NBAS: variants seen among roughly 807,000 people sequenced by gnomAD.
NBAS encodes NBAS subunit of NRZ tethering complex.
A neutral mutation model predicts 302.5 loss-of-function variants in NBAS; 219 were observed. That is an observed-to-expected ratio of 0.72 (90% CI 0.65 to 0.81). The LOEUF (loss-of-function observed/expected upper bound fraction) is 0.81, where lower values mean the gene tolerates loss of function less well. Ranked by LOEUF, NBAS falls within the 30% of genes least tolerant of loss-of-function variation. The probability of loss-of-function intolerance (pLI) is 0.00; values close to 1 mark genes in which losing one functional copy is unlikely to be tolerated. For missense variants in NBAS, 2,932 were observed against 2,841.6 expected, an observed-to-expected ratio of 1.03 and a Z score of -0.72; for synonymous variants, 1,118 against 1,021.6, an observed-to-expected ratio of 1.09 and a Z score of -1.80.
the NBAS span, among the ~76,000 whole-genome samples, chr2:14,965,966 T>A: frequency 4.0e-3 from 602 of 152,228 alleles, 4 homozygotes; most frequent in Non-Finnish European, 6.3e-3. Flanking sequence ...TGGATTAGGG[T>A]AGGCCTGGTG....
At chr2:14,927,460 C>A in the NBAS span, among the ~76,000 whole-genome samples, 1 of 152,130 alleles carries the variant, frequency 6.6e-6, no homozygotes, top group South Asian at 2.1e-4. Flanking sequence ...TTGTCCATCC[C>A]CTGATGGACA....
the NBAS span, among the ~76,000 whole-genome samples, chr2:14,838,423 A>C: frequency 6.6e-6 from 1 of 151,564 alleles, no homozygotes; most frequent in Non-Finnish European, 1.5e-5. Flanking sequence ...TTTTGTTGCA[A>C]CACTTTTTAT....
intron 12 of NBAS, among the ~76,000 whole-genome samples, chr2:15,488,198 A>G (rs1680713941): frequency 6.6e-6 from 1 of 152,226 alleles, no homozygotes; most frequent in African/African-American, 2.4e-5. Context: ...AATCCCTAAA[A>G]TGGTAAAATG....
At chr2:14,788,747 G>A in the NBAS span, among the ~76,000 whole-genome samples, 51 of 152,310 alleles carry the variant, frequency 3.3e-4, no homozygotes, top group East Asian at 8.5e-3. Context: ...CTACTGGGGG[G>A]TGCCTCCCAG....
chr2:15,350,078 T>C (rs1296854501), intron 35 of NBAS, among the ~76,000 whole-genome samples: 1 of 152,056 alleles, frequency 6.6e-6, no homozygotes, highest in Non-Finnish European at 1.5e-5. Context: ...GCATATTAGA[T>C]CCATGTTCAC....
chr2:15,191,492 T>TTG (rs1183469906), intron 48 of NBAS, among the ~76,000 whole-genome samples: 1 of 152,216 alleles, frequency 6.6e-6, no homozygotes, highest in East Asian at 1.9e-4. Flanking sequence ...CGTTCTTCTA[T>TTG]GGAATAATAG....
the NBAS span, among the ~76,000 whole-genome samples, chr2:14,914,543 A>C: frequency 6.6e-6 from 1 of 152,372 alleles, no homozygotes; most frequent in East Asian, 1.9e-4. Flanking sequence ...CCCCTTGTCA[A>C]GGAGCAGTAT....
chr2:15,327,228 G>A (rs892437515), intron 38 of NBAS, among the ~76,000 whole-genome samples: 1 of 152,050 alleles, frequency 6.6e-6, no homozygotes, highest in Non-Finnish European at 1.5e-5. Context: ...GCAGAGAGAG[G>A]GGGAATTCAA....
At chr2:15,441,686 G>T (rs1470777708) in intron 21 of NBAS, among the ~76,000 whole-genome samples, 33 of 150,784 alleles carry the variant, frequency 2.2e-4, no homozygotes, top group Non-Finnish European at 4.0e-4. Flanking sequence ...TGGACTAAAT[G>T]CTCCAATTAA....
intron 29 of NBAS, among the ~76,000 whole-genome samples, chr2:15,381,684 C>T (rs531329159): frequency 5.9e-5 from 9 of 152,284 alleles, no homozygotes; most frequent in Admixed American, 5.9e-4. Context: ...CATGTGCATA[C>T]AAATTATGTT....
chr2:15,534,313 T>C (rs574325206), intron 9 of NBAS, among the ~76,000 whole-genome samples: 1 of 152,286 alleles, frequency 6.6e-6, no homozygotes, highest in Non-Finnish European at 1.5e-5. Context: ...AAGAGGAGAA[T>C]AAATTCCTCA....
chr2:15,241,146 C>T (rs940538087), intron 44 of NBAS, among the ~76,000 whole-genome samples: 1 of 152,190 alleles, frequency 6.6e-6, no homozygotes, highest in Non-Finnish European at 1.5e-5. Flanking sequence ...TGGTTGAATG[C>T]TGAATGACAA....
intron 14 of NBAS, among the ~76,000 whole-genome samples, chr2:15,475,344 T>A (rs1680143815): frequency 6.6e-6 from 1 of 152,240 alleles, no homozygotes; most frequent in Admixed American, 6.5e-5. Context: ...AAAAACTTTG[T>A]AAGTTGCCAT....
the NBAS span, among the ~76,000 whole-genome samples, chr2:14,798,427 C>A: frequency 6.6e-6 from 1 of 152,128 alleles, no homozygotes; most frequent in Non-Finnish European, 1.5e-5. Flanking sequence ...GTAGAAAAAA[C>A]TCCACTTGTT....
intron 44 of NBAS, among the ~76,000 whole-genome samples, chr2:15,262,102 A>G (rs1668877221): frequency 6.6e-6 from 1 of 152,214 alleles, no homozygotes; most frequent in Non-Finnish European, 1.5e-5. Context: ...GGGTTGATTC[A>G]GGAGTGCTCT....
At chr2:15,111,607 A>G in the NBAS span, among the ~76,000 whole-genome samples, 34 of 152,188 alleles carry the variant, frequency 2.2e-4, no homozygotes, top group African/African-American at 8.2e-4. Context: ...AGCAGTCTGC[A>G]CCCTGTGAAA....
intron 32 of NBAS, among the ~76,000 whole-genome samples, chr2:15,366,193 T>C (rs1038065457): frequency 6.6e-6 from 1 of 152,080 alleles, no homozygotes; most frequent in Non-Finnish European, 1.5e-5. Context: ...ACTGGTAAGG[T>C]TGGTTTGTTT....
chr2:15,468,310 A>G, intron 17 of NBAS, 72 bp downstream of exon 17: 2 of 1,550,308 alleles, frequency 1.3e-6, no homozygotes, highest in Non-Finnish European at 1.8e-6. Context: ...AAGTTTACCC[A>G]GTCCAATGTC....
chr2:14,835,185 A>G, the NBAS span, among the ~76,000 whole-genome samples: 1 of 151,980 alleles, frequency 6.6e-6, no homozygotes, highest in African/African-American at 2.4e-5. Flanking sequence ...GACCAATTGT[A>G]CACATCAATT....
Sources: gnomAD v4.1 joint callset for allele counts (sites outside exome capture counted in the v4.1 genomes callset) on GRCh38, gnomAD v4.1.1 for gene constraint, MANE v1.5 for transcripts, NCBI Gene and HGNC (gene_info 2026-07-23, HGNC 2026-07-21) for gene names.